The following FHOD3 variants were observed in gnomAD, a reference collection of about 807,000 sequenced individuals.
FHOD3 encodes the protein formin homology 2 domain containing 3, also known as FH1/FH2 domain-containing protein 3.
In FHOD3, 90 loss-of-function variants were observed where a neutral mutation model predicts 173.0. The ratio of observed to expected loss-of-function variants is 0.52; its 90% CI spans 0.44 to 0.62. The LOEUF (loss-of-function observed/expected upper bound fraction) is 0.62, where lower values mean the gene tolerates loss of function less well. FHOD3 is among the 20% of genes least tolerant of loss of function. The pLI is 0.00. For synonymous variants in FHOD3, 828 were observed against 823.0 expected (o/e 1.01, Z -0.10); for missense variants, 1,945 against 2,034.7 (o/e 0.96, Z 0.85).
At chr18:36,768,667 AC>A (rs1421058648) in intron 27 of FHOD3, among the ~76,000 whole-genome samples, 7 of 152,220 alleles carry the variant, frequency 4.6e-5, no homozygotes, top group Non-Finnish European at 7.4e-5. Flanking sequence ...TAAGTTACCA[AC>A]CCCTTTGCTG....
At chr18:36,656,108 T>G (rs1435805348) in intron 13 of FHOD3, among the ~76,000 whole-genome samples, 1 of 152,178 alleles carries the variant, frequency 6.6e-6, no homozygotes, top group African/African-American at 2.4e-5. Context: ...CGGAGAGTGC[T>G]AGGTGTCGTG....
At chr18:36,415,507 A>G (rs2049590630) in intron 3 of FHOD3, among the ~76,000 whole-genome samples, 2 of 152,236 alleles carry the variant, frequency 1.3e-5, no homozygotes, top group Admixed American at 1.3e-4. Flanking sequence ...TTCATACATC[A>G]TTAAAATTTA....
At chr18:36,481,045 G>A (rs1310097893) in intron 3 of FHOD3, among the ~76,000 whole-genome samples, 6 of 97,468 alleles carry the variant, frequency 6.2e-5, no homozygotes, top group South Asian at 3.1e-4. Context: ...TTTTTTTTGC[G>A]TTTAAAGAGC....
At chr18:36,552,058 A>G (rs2057679509) in intron 5 of FHOD3, among the ~76,000 whole-genome samples, 1 of 152,098 alleles carries the variant, frequency 6.6e-6, no homozygotes, top group South Asian at 2.1e-4. Flanking sequence ...CTTGTTGGGG[A>G]TGGCATTAAA....
At position 36,687,110 on chromosome 18, in the gene FHOD3, T is replaced by C. The variant is rs371246003; in HGVS notation, c.1971-18T>C. ...TTACTTTCTTTTCCTGTTTGTTTGT[T>C]CTACATATTTCCATTAGCCGAGATT... On this transcript the variant is annotated intron_variant, in intron 15 of 28. Transcript: ENST00000590592. The C allele has an allele frequency of 1.8e-5, 28 of 1,592,066 alleles. No individual in the cohort carries two copies. In the African/African-American group the frequency reaches 3.4e-4, roughly 19 times the overall value.
chr18:36,467,872 GCGGGTAAGTGCTGCCTGTGGCA>G (rs1202820746), intron 3 of FHOD3, among the ~76,000 whole-genome samples: 2 of 152,232 alleles, frequency 1.3e-5, no homozygotes, highest in Non-Finnish European at 2.9e-5. Flanking sequence ...CAGGCGTTCT[GCGGGTAAGTGCTGCCTGTGGCA>G]CGGGTGCCTG....
intron 5 of FHOD3, among the ~76,000 whole-genome samples, chr18:36,566,257 C>T (rs757522147): frequency 1.3e-5 from 2 of 152,090 alleles, no homozygotes; most frequent in East Asian, 1.9e-4. Flanking sequence ...AATTTGGTAT[C>T]GGATCCTTGT....
chr18:36,398,398 G>A (rs1242192526), intron 3 of FHOD3, among the ~76,000 whole-genome samples: 1 of 152,170 alleles, frequency 6.6e-6, no homozygotes, highest in African/African-American at 2.4e-5. Flanking sequence ...TTTAAGTGTG[G>A]TAATAAGCTG....
intron 5 of FHOD3, among the ~76,000 whole-genome samples, chr18:36,517,390 G>A (rs2056048779): frequency 6.6e-6 from 1 of 152,188 alleles, no homozygotes; most frequent in Non-Finnish European, 1.5e-5. Flanking sequence ...GATTCACACT[G>A]TCTTGAAGCA....
At chr18:36,461,771 G>A (rs1392155179) in intron 3 of FHOD3, among the ~76,000 whole-genome samples, 1 of 152,118 alleles carries the variant, frequency 6.6e-6, no homozygotes, top group Admixed American at 6.5e-5. Context: ...CAGAACTGGG[G>A]TTCTGCCTGT....
At chr18:36,310,648 C>G (rs1182004193) in intron 1 of FHOD3, among the ~76,000 whole-genome samples, 5 of 147,790 alleles carry the variant, frequency 3.4e-5, no homozygotes, top group Non-Finnish European at 5.9e-5. Flanking sequence ...GATCGTGCCA[C>G]TGCACTCCAG....
chr18:36,456,404 TTCTTA>T (rs2052216447), intron 3 of FHOD3, among the ~76,000 whole-genome samples: 1 of 152,124 alleles, frequency 6.6e-6, no homozygotes, highest in African/African-American at 2.4e-5. Flanking sequence ...CTGATGGTTT[TTCTTA>T]TCTTCTTGAG....
At chr18:36,495,408 C>T (rs2054693112) in intron 3 of FHOD3, among the ~76,000 whole-genome samples, 1 of 152,148 alleles carries the variant, frequency 6.6e-6, no homozygotes, top group African/African-American at 2.4e-5. Context: ...CTGTACTACC[C>T]TCACTAACAT....
rs569681742 is a variant in FHOD3 at position 36,430,487 on chromosome 18, G to C, written c.337+57743G>C. ...TGCCTCGGCCTCCCAAAAGTGCTGG[G>C]ATTACAGGCGTGAGCCACCGTGCCC... On this transcript the variant is annotated intron_variant, in intron 3 of 28. Transcript: ENST00000590592. Among the ~76,000 whole-genome samples the C allele has an allele frequency of 9.1e-4, 139 of 152,328 alleles. No homozygotes were observed. In the Middle Eastern group the frequency reaches 0.02, roughly 22 times the overall value.
chr18:36,459,121 T>G (rs918985076), intron 3 of FHOD3, among the ~76,000 whole-genome samples: 1 of 149,708 alleles, frequency 6.7e-6, no homozygotes. Flanking sequence ...TCCTATACTC[T>G]CCAGCACTGT....
chr18:36,616,453 T>C (rs568118851), intron 9 of FHOD3, among the ~76,000 whole-genome samples: 3 of 152,334 alleles, frequency 2.0e-5, no homozygotes, highest in African/African-American at 7.2e-5. Flanking sequence ...CTCTCCAGCC[T>C]ACCTGCCTCT....
intron 10 of FHOD3, among the ~76,000 whole-genome samples, chr18:36,646,270 T>TTA (rs34457458): frequency 0.37 from 55,408 of 151,762 alleles, 11,010 homozygotes; most frequent in African/African-American, 0.51. Context: ...AAAATAAAAT[T>TTA]GAGTTCAATA....
At chr18:36,730,131 A>G (rs2041280143) in intron 19 of FHOD3, among the ~76,000 whole-genome samples, 1 of 152,168 alleles carries the variant, frequency 6.6e-6, no homozygotes, top group African/African-American at 2.4e-5. Context: ...GAATGTTTGA[A>G]TGGCAAGGTG....
chr18:36,392,977 C>G (rs1237066370), intron 3 of FHOD3, among the ~76,000 whole-genome samples: 1 of 152,184 alleles, frequency 6.6e-6, no homozygotes, highest in Non-Finnish European at 1.5e-5. Context: ...AGTCCTTTGC[C>G]AACTGGAAGC....
Sources: allele counts gnomAD v4.1 joint callset (sites outside exome capture counted in the v4.1 genomes callset), GRCh38; gene constraint gnomAD v4.1.1; transcripts MANE v1.5; gene names NCBI Gene and HGNC (gene_info 2026-07-23, HGNC 2026-07-21).